The following MMP16 variants were observed in gnomAD, a reference collection of about 807,000 sequenced individuals.
MMP16 encodes the protein matrix metalloproteinase-16.
A neutral mutation model predicts 67.8 loss-of-function variants in MMP16; 12 were observed. The observed-to-expected ratio is 0.18, with a 90% CI of 0.11 to 0.29. MMP16 has a LOEUF of 0.29. MMP16 is among the 10% of genes least tolerant of loss of function. The probability of loss-of-function intolerance (pLI) is 1.00; values close to 1 mark genes in which losing one functional copy is unlikely to be tolerated. For missense variants in MMP16, 475 were observed against 765.7 expected (o/e 0.62, Z 4.48); for synonymous variants, 249 against 255.9 (o/e 0.97, Z 0.26).
chr8:88,132,559 A>G (rs905103201), intron 4 of MMP16, among the ~76,000 whole-genome samples: 2 of 151,826 alleles, frequency 1.3e-5, no homozygotes, highest in Admixed American at 1.3e-4. Context: ...TGTGGTCCTC[A>G]CCATGTGGGC....
intron 3 of MMP16, among the ~76,000 whole-genome samples, chr8:88,176,155 G>A (rs1808887257): frequency 6.6e-6 from 1 of 152,186 alleles, no homozygotes; most frequent in Admixed American, 6.5e-5. Context: ...CAGGTTACAA[G>A]TGACACAGAG....
chr8:88,281,019 AAATT>A (rs1810726146), intron 1 of MMP16, among the ~76,000 whole-genome samples: 1 of 152,186 alleles, frequency 6.6e-6, no homozygotes, highest in Non-Finnish European at 1.5e-5. Flanking sequence ...AGGAGAGCAC[AAATT>A]AATAACGATG....
intron 4 of MMP16, among the ~76,000 whole-genome samples, chr8:88,167,190 C>T (rs764467785): frequency 1.3e-5 from 2 of 151,672 alleles, no homozygotes; most frequent in Non-Finnish European, 2.9e-5. Context: ...CCAGCCTGGG[C>T]GACAAGAGCA....
intron 7 of MMP16, among the ~76,000 whole-genome samples, chr8:88,061,680 T>C (rs1464389052): frequency 6.6e-6 from 1 of 152,040 alleles, no homozygotes; most frequent in Non-Finnish European, 1.5e-5. Context: ...TAGAGGATAA[T>C]GTGTGAAAAA....
At chr8:88,189,654 CCT>C (rs1264313535) in intron 2 of MMP16, among the ~76,000 whole-genome samples, 1 of 152,142 alleles carries the variant, frequency 6.6e-6, no homozygotes, top group African/African-American at 2.4e-5. Flanking sequence ...GAGGGTGTCC[CCT>C]GTCCTCCTTC....
rs377143867 is a variant in MMP16 at position 88,231,071 on chromosome 8, T to C, written c.133-33765A>G. Among the ~76,000 whole-genome samples, 77 of 152,314 alleles carry C rather than the reference T, an allele frequency of 5.1e-4. No homozygotes were observed. In the East Asian group the frequency reaches 7.9e-3, roughly 16 times the overall value. On this transcript the variant is annotated intron_variant, in intron 1 of 9. Coordinates refer to ENST00000286614, the MANE Select transcript of MMP16 (RefSeq NM_005941.5). ...GGAATGGGCAATATATATGTCAGTG[T>C]CCAATATAAAGATGAACTTCAATAA...
chr8:88,257,247 C>T (rs1224905669), intron 1 of MMP16, among the ~76,000 whole-genome samples: 3 of 152,164 alleles, frequency 2.0e-5, no homozygotes, highest in African/African-American at 7.2e-5. Context: ...TCTTACAGGG[C>T]TCAGAATGTC....
chr8:88,249,297 T>G (rs547280422), intron 1 of MMP16, among the ~76,000 whole-genome samples: 49 of 152,032 alleles, frequency 3.2e-4, no homozygotes, highest in Admixed American at 1.2e-3. Context: ...AAAAAAAGAA[T>G]GTAATAAGTC....
chr8:88,235,554 C>T (rs1032634786), intron 1 of MMP16, among the ~76,000 whole-genome samples: 5 of 152,014 alleles, frequency 3.3e-5, no homozygotes, highest in South Asian at 2.1e-4. Flanking sequence ...TTTTCTATGA[C>T]GTAGTAGTAA....
intron 1 of MMP16, among the ~76,000 whole-genome samples, chr8:88,246,939 A>G (rs953532475): frequency 5.3e-5 from 8 of 152,158 alleles, no homozygotes; most frequent in Non-Finnish European, 8.8e-5. Flanking sequence ...TCTTATTCTG[A>G]GTGTATTTAC....
chr8:88,111,415 A>T (rs1479113827), intron 6 of MMP16, among the ~76,000 whole-genome samples: 1 of 151,672 alleles, frequency 6.6e-6, no homozygotes, highest in Non-Finnish European at 1.5e-5. Flanking sequence ...AAAATAAGCG[A>T]ATATTTGGTA....
chr8:88,212,281 C>G (rs1809524682), intron 1 of MMP16, among the ~76,000 whole-genome samples: 1 of 152,080 alleles, frequency 6.6e-6, no homozygotes, highest in African/African-American at 2.4e-5. Context: ...TGATCTTGAA[C>G]AAAGTAAATG....
At chr8:88,080,256 A>C (rs1808723282) in intron 6 of MMP16, among the ~76,000 whole-genome samples, 1 of 152,176 alleles carries the variant, frequency 6.6e-6, no homozygotes, top group Non-Finnish European at 1.5e-5. Context: ...GGATGAGTAT[A>C]TATATCTGAG....
chr8:88,212,716 T>C (rs1029269037), intron 1 of MMP16, among the ~76,000 whole-genome samples: 2 of 152,128 alleles, frequency 1.3e-5, no homozygotes, highest in Non-Finnish European at 2.9e-5. Flanking sequence ...AATCCTGTTT[T>C]CTACTCTCTG....
At chr8:88,146,440 T>C (rs1194363214) in intron 4 of MMP16, among the ~76,000 whole-genome samples, 4 of 151,982 alleles carry the variant, frequency 2.6e-5, no homozygotes, top group African/African-American at 4.8e-5. Context: ...TGGTATCCTT[T>C]GCTGTTTCGA....
chr8:88,199,338 T>G (rs1309808347), intron 1 of MMP16, among the ~76,000 whole-genome samples: 7 of 152,020 alleles, frequency 4.6e-5, no homozygotes, highest in Admixed American at 4.6e-4. Flanking sequence ...ATGTAAAAAA[T>G]GAATTGAGAT....
chr8:88,251,977 T>C (rs1159992722), intron 1 of MMP16, among the ~76,000 whole-genome samples: 1 of 113,000 alleles, frequency 8.8e-6, no homozygotes, highest in Non-Finnish European at 1.8e-5. Context: ...TGGCGATCAT[T>C]AAAAAGTCAG....
At chr8:88,080,436 T>C (rs1004580306) in intron 6 of MMP16, among the ~76,000 whole-genome samples, 8 of 152,120 alleles carry the variant, frequency 5.3e-5, no homozygotes, top group Non-Finnish European at 1.2e-4. Context: ...TTTATGTATA[T>C]ATTTATTTAT....
chr8:88,317,477 TAATAGAACA>T (rs1356080889), intron 1 of MMP16, among the ~76,000 whole-genome samples: 2 of 152,202 alleles, frequency 1.3e-5, no homozygotes, highest in Non-Finnish European at 2.9e-5. Context: ...ATTTCACACT[TAATAGAACA>T]CAGTACAGTG....
Sources: gnomAD v4.1 joint callset for allele counts (sites outside exome capture counted in the v4.1 genomes callset) on GRCh38, gnomAD v4.1.1 for gene constraint, MANE v1.5 for transcripts, NCBI Gene and HGNC (gene_info 2026-07-23, HGNC 2026-07-21) for gene names.